ZHX3: variants seen among roughly 807,000 people sequenced by gnomAD.
ZHX3 encodes zinc fingers and homeoboxes protein 3.
Under a neutral mutation model 64.5 loss-of-function variants are expected in ZHX3, and 20 were observed. The observed-to-expected ratio is 0.31, with a 90% CI of 0.22 to 0.45. The LOEUF is 0.45. Among genes scored for constraint, ZHX3 ranks in the 20% least tolerant of loss-of-function variants. ZHX3 has a pLI of 1.00. For missense variants in ZHX3, 1,041 were observed against 1,195.8 expected, an observed-to-expected ratio of 0.87 and a Z score of 1.91; for synonymous variants, 423 against 461.6, an observed-to-expected ratio of 0.92 and a Z score of 1.07.
intron 2 of ZHX3, among the ~76,000 whole-genome samples, chr20:41,213,350 T>C (rs760225865): frequency 2.0e-5 from 3 of 152,202 alleles, no homozygotes; most frequent in African/African-American, 7.2e-5. Context: ...CAGTAAATTA[T>C]AGCACTCAGT....
intron 1 of ZHX3, among the ~76,000 whole-genome samples, chr20:41,309,914 C>G (rs1169668973): frequency 6.6e-6 from 1 of 152,192 alleles, no homozygotes; most frequent in Non-Finnish European, 1.5e-5. Context: ...TAGCAAAACA[C>G]AGGAATCTGT....
At chr20:41,305,562 A>G (rs1173944866) in intron 1 of ZHX3, among the ~76,000 whole-genome samples, 1 of 152,082 alleles carries the variant, frequency 6.6e-6, no homozygotes, top group Non-Finnish European at 1.5e-5. Flanking sequence ...GGACGGGCGG[A>G]TCACGAGGCC....
intron 2 of ZHX3, among the ~76,000 whole-genome samples, chr20:41,244,087 A>G (rs887282082): frequency 3.3e-5 from 5 of 152,042 alleles, no homozygotes; most frequent in African/African-American, 1.2e-4. Flanking sequence ...ATATTTAGTA[A>G]CATCCCTGAC....
Position 41,275,874 on chromosome 20 carries a change from C to G in ZHX3, c.-244-6791G>C, listed in dbSNP as rs193198714. Among the ~76,000 whole-genome samples the G allele has an allele frequency of 5.9e-5, 9 of 152,256 alleles. No individual in the cohort carries two copies. In the East Asian group the frequency reaches 1.5e-3, roughly 26 times the overall value. On this transcript the variant is annotated intron_variant, in intron 1 of 3. Transcript: ENST00000683867. ...TAGTTGCACTCAGTTAACCTGAACT[C>G]TGTGTGAAGATTCAGAGGACAGAAG...
At position 41,292,380 on chromosome 20, in the gene ZHX3, T is replaced by C. The variant is rs548414449; in HGVS notation, c.-244-23297A>G. ...AAATAAACAAGTGCAAATGCTTTGTTGTCTAAACTTCTTTACTTTCTAACC... is the reference window on the plus strand; with the variant it reads ...AAATAAACAAGTGCAAATGCTTTGTCGTCTAAACTTCTTTACTTTCTAACC... On this transcript the variant is annotated intron_variant, in intron 1 of 3. Coordinates refer to ENST00000683867, the MANE Select transcript of ZHX3 (RefSeq NM_001384317.1). 2.3e-4 allele frequency among the ~76,000 whole-genome samples: 35 copies of C among 152,342 alleles called. 1 individual carries two copies. The highest frequency in any genetic ancestry group is 8.4e-4 in the African/African-American group (35 of 41,586).
At chr20:41,280,867 C>T (rs1037797352) in intron 1 of ZHX3, among the ~76,000 whole-genome samples, 2 of 150,916 alleles carry the variant, frequency 1.3e-5, no homozygotes, top group South Asian at 4.2e-4. Context: ...TCTAGATGAT[C>T]CAATATGTCT....
chr20:41,193,078 G>T (rs917255475), intron 3 of ZHX3, among the ~76,000 whole-genome samples: 1 of 152,008 alleles, frequency 6.6e-6, no homozygotes, highest in Non-Finnish European at 1.5e-5. Context: ...GTTCTGTCTT[G>T]GATAATCTAT....
chr20:41,251,732 T>C (rs1479915994), intron 2 of ZHX3, among the ~76,000 whole-genome samples: 1 of 152,150 alleles, frequency 6.6e-6, no homozygotes, highest in African/African-American at 2.4e-5. Flanking sequence ...ATAGATAGAA[T>C]AGCAATGCTT....
chr20:41,265,966 T>C (rs371853396), intron 2 of ZHX3, among the ~76,000 whole-genome samples: 1 of 152,114 alleles, frequency 6.6e-6, no homozygotes, highest in Non-Finnish European at 1.5e-5. Context: ...ACAAGACCCA[T>C]GGCCACAACA....
chr20:41,312,844 T>A (rs1401434587), intron 1 of ZHX3, among the ~76,000 whole-genome samples: 2 of 152,074 alleles, frequency 1.3e-5, no homozygotes, highest in Non-Finnish European at 1.5e-5. Context: ...CGAGTCCAAG[T>A]GCAGTGGAAG....
chr20:41,233,532 T>C (rs1443622588), intron 2 of ZHX3, among the ~76,000 whole-genome samples: 2 of 152,240 alleles, frequency 1.3e-5, no homozygotes, highest in Non-Finnish European at 2.9e-5. Flanking sequence ...TTCCTTCATG[T>C]GACTCACCAT....
At position 41,203,094 on chromosome 20, in the gene ZHX3, G is replaced by A. The variant is rs760198381; in HGVS notation, c.1823C>T (p.Thr608Ile). 4.3e-6 allele frequency: 7 copies of A among 1,614,180 alleles called. No homozygotes were observed. Among genetic ancestry groups the A allele is most frequent in the Non-Finnish European group, 5.1e-6 (6 of 1,180,024 alleles). Residue 608 changes from threonine (T) to isoleucine (I), a missense_variant, in exon 3 of 4, where the codon ACT (threonine) becomes ATT (isoleucine). Coordinates refer to ENST00000683867, the MANE Select transcript of ZHX3 (RefSeq NM_001384317.1). The surrounding 1 kb of genome is among the most constrained non-coding windows in gnomAD (Gnocchi z 7.1). ...GTATTTGGTTGGTGTGAAGTCAGGAGTCTGGTGCCAAGATTGTCGTTTGGC... is the reference window on the plus strand; with the variant it reads ...GTATTTGGTTGGTGTGAAGTCAGGAATCTGGTGCCAAGATTGTCGTTTGGC... The part of the protein sequence containing the change: ...PSAKRQSWHQ[T>I]PDFTPTKYKE...
At chr20:41,208,239 C>T (rs1380285067) in intron 2 of ZHX3, among the ~76,000 whole-genome samples, 1 of 152,102 alleles carries the variant, frequency 6.6e-6, no homozygotes, top group Non-Finnish European at 1.5e-5. Context: ...CCAGACAGAT[C>T]CACAGCTGAA....
intron 2 of ZHX3, among the ~76,000 whole-genome samples, chr20:41,237,808 A>G (rs1320963018): frequency 2.6e-5 from 4 of 152,264 alleles, no homozygotes; most frequent in African/African-American, 9.6e-5. Flanking sequence ...AACAAACAGC[A>G]TATTTTATAA....
At chr20:41,272,642 C>T (rs6072322) in intron 1 of ZHX3, among the ~76,000 whole-genome samples, 21,035 of 152,168 alleles carry the variant, frequency 0.14, 1,671 homozygotes, top group Non-Finnish European at 0.17. Flanking sequence ...GTGACCTTTT[C>T]GGTTGGCTTT....
intron 3 of ZHX3, among the ~76,000 whole-genome samples, chr20:41,189,661 C>T (rs190252661): frequency 6.6e-6 from 1 of 152,224 alleles, no homozygotes; most frequent in Non-Finnish European, 1.5e-5. Context: ...TATAGAAACT[C>T]TGATTTTTGT....
chr20:41,310,992 T>C (rs1179681256), intron 1 of ZHX3, among the ~76,000 whole-genome samples: 2 of 152,052 alleles, frequency 1.3e-5, no homozygotes, highest in Non-Finnish European at 2.9e-5. Context: ...GTATTTTTAG[T>C]AGAGACAGGG....
rs2036201579 is a variant in ZHX3 at position 41,180,308 on chromosome 20, G to A, written c.*4883C>T. ...CTATATGTTCTTTATCATCCTCAAA[G>A]TCCTGCGAACCCAAAGATAGAACTT... On this transcript the variant is annotated 3_prime_UTR_variant, in exon 4 of 4. Transcript: ENST00000683867. The A allele has an allele frequency of 6.6e-6, 1 of 152,656 alleles. No homozygotes were observed. The highest frequency in any genetic ancestry group is 1.5e-5 in the Non-Finnish European group (1 of 68,070). 9.5% of individuals were successfully genotyped at this position (152,656 alleles called of 1,614,324 possible). A position where few individuals can be genotyped will look rare whatever the true frequency, so the allele number is the denominator to read the frequency against.
In ZHX3 at chr20:41,201,929, C is replaced by A. The variant is rs997310631; in HGVS notation, c.2860+128G>T. 8 of 1,163,672 alleles carry A rather than the reference C, an allele frequency of 6.9e-6. No homozygotes were observed. The highest frequency in any genetic ancestry group is 3.1e-5 in the African/African-American group (2 of 64,388). The allele number at this position is 1,163,672 out of a possible 1,614,324, so 72.1% of individuals were successfully genotyped here. Reference sequence around the variant, plus strand: ...CTAGTTGTCCTCTGAAGCAGCCAGGCGGTTAATGCTGCTGCCAGGCAGCCT... The same window carrying A: ...CTAGTTGTCCTCTGAAGCAGCCAGGAGGTTAATGCTGCTGCCAGGCAGCCT... On this transcript the variant is annotated intron_variant, in intron 3 of 3. Coordinates refer to ENST00000683867, the MANE Select transcript of ZHX3 (RefSeq NM_001384317.1). The surrounding 1 kb of genome is among the most constrained non-coding windows in gnomAD (Gnocchi z 5.0).
Sources: allele counts gnomAD v4.1 joint callset (sites outside exome capture counted in the v4.1 genomes callset), GRCh38; gene constraint gnomAD v4.1.1; non-coding constraint Gnocchi (gnomAD v3.1); transcripts MANE v1.5; gene names NCBI Gene and HGNC (gene_info 2026-07-23, HGNC 2026-07-21).